The following POP1 variants were observed in gnomAD, a reference collection of about 807,000 sequenced individuals.
The protein encoded by POP1 is ribonucleases P/MRP protein subunit POP1.
A neutral mutation model predicts 102.2 loss-of-function variants in POP1; 75 were observed. The ratio of observed to expected loss-of-function variants is 0.73; its 90% CI spans 0.61 to 0.89. The LOEUF is 0.89. POP1 is among the 40% of genes least tolerant of loss of function. The pLI, the probability that POP1 is intolerant of heterozygous loss-of-function variation, is 0.00. For synonymous variants in POP1, 436 were observed against 464.1 expected (o/e 0.94, Z 0.78); for missense variants, 1,116 against 1,267.4 (o/e 0.88, Z 1.81).
chr8:98,143,949 T>A (rs1490825095), intron 11 of POP1, among the ~76,000 whole-genome samples: 2 of 150,878 alleles, frequency 1.3e-5, no homozygotes, highest in Admixed American at 1.3e-4. Context: ...TGGTCAGGAG[T>A]TCGAGACCAG....
At chr8:98,122,567 C>T (rs895511147) in intron 1 of POP1, among the ~76,000 whole-genome samples, 2 of 152,104 alleles carry the variant, frequency 1.3e-5, no homozygotes, top group African/African-American at 4.8e-5. Flanking sequence ...TGTGCCAATG[C>T]CTGTGCTGGT....
rs181577335 is a variant in POP1 at position 98,139,320 on chromosome 8, G to A, written c.1363-758G>A. Among the ~76,000 whole-genome samples the A allele has an allele frequency of 2.3e-4, 35 of 152,300 alleles. No individual in the cohort carries two copies. The East Asian group carries it at 3.9e-3, about 17-fold the overall frequency. On this transcript the variant is annotated intron_variant, in intron 9 of 15. Transcript: ENST00000401707. ...AAAAATATACATTTCTAGGAATAAT[G>A]TAGTAGTAGTATATCTTTTATCTGG...
chr8:98,140,031 A>C lies in POP1; in HGVS notation c.1363-47A>C, dbSNP rs1437765042. Reference sequence around the variant, plus strand: ...TATCACAACCATGACAAAATTATGAAGGTGGATTCATTGTTCGTCCAGTGA... The same window carrying C: ...TATCACAACCATGACAAAATTATGACGGTGGATTCATTGTTCGTCCAGTGA... On this transcript the variant is annotated intron_variant, in intron 9 of 15. Transcript: ENST00000401707. 7 of 1,410,998 alleles carry C rather than the reference A, an allele frequency of 5.0e-6. No homozygotes were observed. The East Asian group carries it at 6.9e-5, about 14-fold the overall frequency. 87.4% of individuals were successfully genotyped at this position (1,410,998 alleles called of 1,614,324 possible).
chr8:98,127,757 T>G lies in POP1; in HGVS notation c.305T>G (p.Ile102Arg). 6.2e-7 allele frequency: 1 copy of G among 1,613,822 alleles called. No individual in the cohort carries two copies. Among genetic ancestry groups the G allele is most frequent in the South Asian group, 1.1e-5 (1 of 91,074 alleles). The change falls in exon 3 of 16, where the codon ATA becomes AGA. Residue 102 changes from isoleucine to arginine, a missense_variant. Ile to Arg is a moderately conservative substitution (Grantham distance 97, BLOSUM62 -3). Coordinates refer to ENST00000401707, the MANE Select transcript of POP1 (RefSeq NM_001145860.2). ...EGTSQEIPKY[I>R]TASTFAQARA... ...ACGTCTCAGGAGATCCCCAAGTATATAACTGGTGGGTACTCATAAAGAGGT... is the reference window on the plus strand; with the variant it reads ...ACGTCTCAGGAGATCCCCAAGTATAGAACTGGTGGGTACTCATAAAGAGGT...
chr8:98,146,482 T>A, intron 11 of POP1, 86 bp from the exon 12 acceptor site: 3 of 923,414 alleles, frequency 3.2e-6, no homozygotes. Context: ...TATTGTTTTG[T>A]AACAAAAGGC....
At position 98,129,990 on chromosome 8, in the gene POP1, G is replaced by A. The variant is rs369456138; in HGVS notation, c.499G>A (p.Val167Ile). 149 of 1,613,956 alleles carry A rather than the reference G, an allele frequency of 9.2e-5. 2 individuals are homozygous for A. The highest frequency in any genetic ancestry group is 5.7e-4 in the South Asian group (52 of 91,070). Reference protein sequence around the residue: ...EIAQKEAEKAVHQKKEHSKNK... With the variant: ...EIAQKEAEKAIHQKKEHSKNK... ...CTTGAAACTATAGGCGGAGAAAGCC[G>A]TACATCAGAAAAAAGAACATTCAAA... Residue 167 changes from valine to isoleucine, a missense_variant, in exon 5 of 16, where the codon GTA (valine) becomes ATA (isoleucine). Transcript: ENST00000401707.
At position 98,158,216 on chromosome 8, in the gene POP1, T is replaced by G. The variant is rs983723460; in HGVS notation, c.3020T>G (p.Leu1007Arg). ...GCAGCGCAGAGGGGCTTAGTGCTACTGAGGCCTCCCGCCTCTCTGCAGTAT... is the reference window on the plus strand; with the variant it reads ...GCAGCGCAGAGGGGCTTAGTGCTACGGAGGCCTCCCGCCTCTCTGCAGTAT... ...QPAAQRGLVL[L>R]RPPASLQYRF... The change falls in exon 16 of 16, where the codon CTG becomes CGG. Residue 1007 changes from leucine to arginine, a missense_variant. By Grantham distance (102) the Leu-to-Arg change is moderately radical. Coordinates refer to ENST00000401707, the MANE Select transcript of POP1 (RefSeq NM_001145860.2). 6.2e-7 allele frequency: 1 copy of G among 1,611,706 alleles called. No homozygotes were observed. Among genetic ancestry groups the G allele is most frequent in the Non-Finnish European group, 8.5e-7 (1 of 1,180,014 alleles).
chr8:98,118,660 A>G (rs951166803), intron 1 of POP1, among the ~76,000 whole-genome samples: 2 of 152,144 alleles, frequency 1.3e-5, no homozygotes, highest in Non-Finnish European at 2.9e-5. Context: ...TCTTGGGCTC[A>G]AGCAATTCTC....
At chr8:98,131,758 C>T (rs1816388504) in intron 5 of POP1, among the ~76,000 whole-genome samples, 1 of 152,224 alleles carries the variant, frequency 6.6e-6, no homozygotes, top group Non-Finnish European at 1.5e-5. Context: ...AATTTCTCCT[C>T]ATCCTTTTCA....
chr8:98,136,544 C>T lies in POP1; in HGVS notation c.1074C>T (p.Cys358=), dbSNP rs746513308. 19 of 1,613,826 alleles carry T rather than the reference C, an allele frequency of 1.2e-5. No homozygotes were observed. The South Asian group carries it at 1.8e-4, about 15-fold the overall frequency. ...QCVEPIKSAV[C]IADPLPTPSQ... ...TGGAACCCATCAAATCAGCTGTCTGCATCGCTGACCCACTTCCAACACCAT... is the reference window on the plus strand; with the variant it reads ...TGGAACCCATCAAATCAGCTGTCTGTATCGCTGACCCACTTCCAACACCAT... The change falls in exon 8 of 16, where the codon TGC becomes TGT. Residue 358 remains cysteine (C), a synonymous_variant. Transcript: ENST00000401707.
chr8:98,128,602 T>G, intron 4 of POP1, 62 bp downstream of exon 4: 1 of 1,557,504 alleles, frequency 6.4e-7, no homozygotes, highest in Non-Finnish European at 8.8e-7. Context: ...TTGAGAAGTA[T>G]TGACCTAATA....
chr8:98,145,094 G>T (rs553675988), intron 11 of POP1, among the ~76,000 whole-genome samples: 4 of 152,090 alleles, frequency 2.6e-5, no homozygotes, highest in African/African-American at 9.7e-5. Flanking sequence ...TCGCCATGTT[G>T]CCCAGGCTGG....
Position 98,130,077 on chromosome 8 carries a change from C to A in POP1, c.586C>A (p.Gln196Lys). ...CCGGACGCTAGAATTTAACCGTAGACAAAAGAAGAACATTTGGTTAGAAAC... is the reference window on the plus strand; with the variant it reads ...CCGGACGCTAGAATTTAACCGTAGAAAAAAGAAGAACATTTGGTTAGAAAC... ...MNRTLEFNRRQKKNIWLETHI... is the reference protein window; with the variant it reads ...MNRTLEFNRRKKKNIWLETHI... The change falls in exon 5 of 16, where the codon CAA becomes AAA. Residue 196 changes from glutamine (Q) to lysine (K), a missense_variant. Gln to Lys is a moderately conservative substitution (Grantham distance 53, BLOSUM62 1). Transcript: ENST00000401707. The A allele has an allele frequency of 6.2e-7, 1 of 1,614,110 alleles. No individual in the cohort carries two copies. The highest frequency in any genetic ancestry group is 8.5e-7 in the Non-Finnish European group (1 of 1,180,016).
intron 1 of POP1, chr8:98,117,980 T>C (rs937346145): frequency 3.9e-5 from 6 of 152,186 alleles, no homozygotes; most frequent in South Asian, 2.1e-4. Context: ...CTCATAGATA[T>C]ATGAGTCCCT....
chr8:98,136,526 C>T lies in POP1; in HGVS notation c.1056C>T (p.Pro352=). The change falls in exon 8 of 16, where the codon CCC becomes CCT. Residue 352 remains proline, a synonymous_variant. Transcript: ENST00000401707. The part of the protein sequence containing the change: ...EIKAACQCVE[P]IKSAVCIADP... Reference sequence around the variant, plus strand: ...AAGCAGCGTGCCAGTGTGTGGAACCCATCAAATCAGCTGTCTGCATCGCTG... The same window carrying T: ...AAGCAGCGTGCCAGTGTGTGGAACCTATCAAATCAGCTGTCTGCATCGCTG... 1 of 1,613,868 alleles carries T rather than the reference C, an allele frequency of 6.2e-7. No homozygotes were observed. Among genetic ancestry groups the T allele is most frequent in the African/African-American group, 1.3e-5 (1 of 74,982 alleles).
chr8:98,132,906 C>CCAAA (rs1816419977), intron 5 of POP1, among the ~76,000 whole-genome samples: 1 of 12,282 alleles, frequency 8.1e-5, no homozygotes, highest in African/African-American at 4.6e-4. Context: ...TCTGTCTCTG[C>CCAAA]AAAAAAAAAA....
Position 98,136,710 on chromosome 8 carries a change from A to C in POP1, c.1240A>C (p.Ile414Leu). ...TRDPCLPYSW[I>L]SPTTGIIISD... The stretch of plus-strand genomic sequence containing the variant: ...AGATCCATGTCTACCATACTCTTGG[A>C]TCTCTCCAACCACAGGCATTATAAT... The change falls in exon 8 of 16, where the codon ATC becomes CTC. Residue 414 changes from isoleucine (I) to leucine (L), a missense_variant. Coordinates refer to ENST00000401707, the MANE Select transcript of POP1 (RefSeq NM_001145860.2). 6.2e-7 allele frequency: 1 copy of C among 1,613,992 alleles called. No individual in the cohort carries two copies. The highest frequency in any genetic ancestry group is 8.5e-7 in the Non-Finnish European group (1 of 1,179,842).
chr8:98,149,340 T>G (rs1809456890), intron 13 of POP1, among the ~76,000 whole-genome samples: 1 of 152,204 alleles, frequency 6.6e-6, no homozygotes, highest in Non-Finnish European at 1.5e-5. Context: ...CTTTTACAGA[T>G]GGATAGAATA....
chr8:98,150,123 G>A (rs1400439328), intron 13 of POP1, among the ~76,000 whole-genome samples: 1 of 151,992 alleles, frequency 6.6e-6, no homozygotes, highest in Non-Finnish European at 1.5e-5. Context: ...TAATCACTCC[G>A]CTGATTTCGG....
Sources: allele counts gnomAD v4.1 joint callset (sites outside exome capture counted in the v4.1 genomes callset), GRCh38; gene constraint gnomAD v4.1.1; transcripts MANE v1.5; gene names NCBI Gene and HGNC (gene_info 2026-07-23, HGNC 2026-07-21).